Variants in SLC12A8 observed in about 807,000 individuals in gnomAD.
The protein encoded by SLC12A8 is cation-chloride cotransporter 9.
A neutral mutation model predicts 75.6 loss-of-function variants in SLC12A8; 69 were observed. That is an observed-to-expected ratio of 0.91 (90% CI 0.75 to 1.11). SLC12A8 has a LOEUF of 1.11. Ranked by LOEUF, SLC12A8 falls within the 50% of genes most tolerant of loss-of-function variation. SLC12A8 has a pLI of 0.00. For synonymous variants in SLC12A8, 365 were observed against 372.8 expected, an observed-to-expected ratio of 0.98 and a Z score of 0.24; for missense variants, 877 against 896.7, an observed-to-expected ratio of 0.98 and a Z score of 0.28.
At chr3:125,205,653 G>C (rs899835448) in intron 2 of SLC12A8, among the ~76,000 whole-genome samples, 7 of 152,188 alleles carry the variant, frequency 4.6e-5, no homozygotes, top group Non-Finnish European at 1.0e-4. Flanking sequence ...AGGAGCATAA[G>C]CCTCTTGTCT....
chr3:125,179,138 CA>C (rs1037735134), intron 4 of SLC12A8, among the ~76,000 whole-genome samples: 7 of 152,180 alleles, frequency 4.6e-5, no homozygotes, highest in Non-Finnish European at 8.8e-5. Flanking sequence ...TCTCTGGGAA[CA>C]AATTCTATTA....
At chr3:125,134,612 G>A (rs1266359466) in intron 6 of SLC12A8, among the ~76,000 whole-genome samples, 1 of 152,194 alleles carries the variant, frequency 6.6e-6, no homozygotes, top group Non-Finnish European at 1.5e-5. Flanking sequence ...TGGAATAGCT[G>A]GATGTAATTT....
chr3:125,188,374 C>G (rs1255020754), intron 3 of SLC12A8, among the ~76,000 whole-genome samples: 2 of 152,170 alleles, frequency 1.3e-5, no homozygotes, highest in East Asian at 3.8e-4. Flanking sequence ...ATAAATTAGC[C>G]TCAGGTATTC....
At chr3:125,087,425 A>G (rs1172129107) in intron 13 of SLC12A8, among the ~76,000 whole-genome samples, 2 of 152,192 alleles carry the variant, frequency 1.3e-5, no homozygotes, top group Non-Finnish European at 2.9e-5. Flanking sequence ...ATGAGGAGAA[A>G]AAAGGATTAT....
chr3:125,192,144 G>A (rs1165865962), intron 2 of SLC12A8, among the ~76,000 whole-genome samples: 3 of 151,904 alleles, frequency 2.0e-5, no homozygotes, highest in African/African-American at 7.3e-5. Flanking sequence ...GCTACAGGCC[G>A]ACTGTTCCTC....
At chr3:125,165,671 C>T (rs1162946650) in intron 5 of SLC12A8, among the ~76,000 whole-genome samples, 3 of 152,232 alleles carry the variant, frequency 2.0e-5, no homozygotes, top group Non-Finnish European at 2.9e-5. Flanking sequence ...CTCACCCGTC[C>T]GGGCAGAAAA....
intron 10 of SLC12A8, 68 bp downstream of exon 10, chr3:125,107,413 C>T (rs981926737): frequency 7.1e-7 from 1 of 1,409,346 alleles, no homozygotes; most frequent in Non-Finnish European, 9.7e-7. Context: ...TTCACAATAA[C>T]TGGGTAGGTA....
At chr3:125,204,218 C>T (rs919718868) in intron 2 of SLC12A8, among the ~76,000 whole-genome samples, 4 of 152,326 alleles carry the variant, frequency 2.6e-5, no homozygotes, top group Admixed American at 1.3e-4. Context: ...TATGATCCAG[C>T]AATCCCACTG....
intron 11 of SLC12A8, 74 bp from the exon 12 acceptor site, chr3:125,091,630 C>A: frequency 1.1e-6 from 1 of 938,914 alleles, no homozygotes. Flanking sequence ...AGGCTAATGT[C>A]TTCAGCAACA....
At chr3:125,102,976 G>A (rs1441748069) in intron 10 of SLC12A8, among the ~76,000 whole-genome samples, 1 of 152,088 alleles carries the variant, frequency 6.6e-6, no homozygotes, top group Non-Finnish European at 1.5e-5. Flanking sequence ...GTAAGGTATA[G>A]GGGGCTGTGG....
intron 5 of SLC12A8, among the ~76,000 whole-genome samples, chr3:125,164,530 A>G (rs1282374096): frequency 6.6e-6 from 1 of 152,206 alleles, no homozygotes; most frequent in African/African-American, 2.4e-5. Context: ...TCGAGTGGGA[A>G]ATGCAGGAGG....
chr3:125,127,089 T>G (rs964203995), intron 6 of SLC12A8, among the ~76,000 whole-genome samples: 2 of 152,248 alleles, frequency 1.3e-5, no homozygotes, highest in African/African-American at 4.8e-5. Context: ...CCAGGAGAGA[T>G]GGGCTCTGCT....
chr3:125,157,130 G>A (rs1225945060), intron 5 of SLC12A8, among the ~76,000 whole-genome samples: 1 of 146,058 alleles, frequency 6.8e-6, no homozygotes, highest in Non-Finnish European at 1.5e-5. Flanking sequence ...GCTTTAAAAC[G>A]AAAAAGGATG....
At chr3:125,112,034 G>A (rs1939200803) in intron 8 of SLC12A8, among the ~76,000 whole-genome samples, 1 of 152,204 alleles carries the variant, frequency 6.6e-6, no homozygotes, top group African/African-American at 2.4e-5. Flanking sequence ...ATGGCCTAGT[G>A]TAGGTCATGT....
intron 6 of SLC12A8, among the ~76,000 whole-genome samples, chr3:125,132,029 G>T (rs1164955000): frequency 6.6e-6 from 1 of 152,168 alleles, no homozygotes; most frequent in Non-Finnish European, 1.5e-5. Flanking sequence ...CTCAGAGGCA[G>T]CACAAACCTG....
At chr3:125,127,266 TTG>T (rs1933230780) in intron 6 of SLC12A8, among the ~76,000 whole-genome samples, 1 of 152,232 alleles carries the variant, frequency 6.6e-6, no homozygotes, top group Admixed American at 6.5e-5. Flanking sequence ...GGAGCAAAAC[TTG>T]TGAGTTTCCC....
intron 5 of SLC12A8, among the ~76,000 whole-genome samples, chr3:125,138,996 T>A (rs1933562869): frequency 6.6e-6 from 1 of 152,104 alleles, no homozygotes; most frequent in Non-Finnish European, 1.5e-5. Flanking sequence ...GCACTCCAGT[T>A]TGGGTGACAA....
chr3:125,177,003 C>T (rs1934544980), intron 5 of SLC12A8, among the ~76,000 whole-genome samples: 2 of 151,846 alleles, frequency 1.3e-5, no homozygotes, highest in African/African-American at 4.8e-5. Flanking sequence ...ATAAATCATG[C>T]TGCTATAAAG....
intron 5 of SLC12A8, among the ~76,000 whole-genome samples, chr3:125,141,859 A>G (rs1270928253): frequency 1.3e-5 from 2 of 151,324 alleles, no homozygotes; most frequent in Non-Finnish European, 2.9e-5. Context: ...AGGGCTCCGG[A>G]CGGAGCTAGG....
Sources: gnomAD v4.1 joint callset for allele counts (sites outside exome capture counted in the v4.1 genomes callset) on GRCh38, gnomAD v4.1.1 for gene constraint, MANE v1.5 for transcripts, NCBI Gene and HGNC (gene_info 2026-07-23, HGNC 2026-07-21) for gene names.